Variants in STX8 observed in about 807,000 individuals in gnomAD.
STX8 encodes the protein syntaxin-8.
A neutral mutation model predicts 37.5 loss-of-function variants in STX8; 23 were observed. The observed-to-expected ratio is 0.61, with a 90% CI of 0.44 to 0.87. The LOEUF is 0.87. Ranked by LOEUF, STX8 falls within the 40% of genes least tolerant of loss-of-function variation. The pLI, the probability that STX8 is intolerant of heterozygous loss-of-function variation, is 0.00. For synonymous variants in STX8, 115 were observed against 99.1 expected (o/e 1.16, Z -0.95); for missense variants, 313 against 284.7 (o/e 1.10, Z -0.71).
intron 6 of STX8, among the ~76,000 whole-genome samples, chr17:9,436,873 G>A (rs1246359919): frequency 6.6e-6 from 1 of 152,208 alleles, no homozygotes; most frequent in Non-Finnish European, 1.5e-5. Context: ...TTCAAACGCT[G>A]ACTCCTGGTT....
At chr17:9,278,681 A>G (rs1035235189) in intron 7 of STX8, among the ~76,000 whole-genome samples, 4 of 152,092 alleles carry the variant, frequency 2.6e-5, no homozygotes, top group African/African-American at 9.7e-5. Context: ...AGTATAATGG[A>G]GCTCAGAAGA....
At chr17:9,499,290 T>A (rs1199108204) in intron 5 of STX8, among the ~76,000 whole-genome samples, 1 of 152,220 alleles carries the variant, frequency 6.6e-6, no homozygotes, top group Non-Finnish European at 1.5e-5. Context: ...CAGCACATTG[T>A]CAAGATTCTT....
chr17:9,451,246 T>A (rs1213156676), intron 6 of STX8, among the ~76,000 whole-genome samples: 1 of 152,214 alleles, frequency 6.6e-6, no homozygotes, highest in Non-Finnish European at 1.5e-5. Context: ...TGATTCCACA[T>A]ATATGTATCT....
chr17:9,483,440 C>T (rs1366344164), intron 6 of STX8, among the ~76,000 whole-genome samples: 4 of 152,194 alleles, frequency 2.6e-5, no homozygotes, highest in Admixed American at 2.6e-4. Flanking sequence ...GCAATCTGGA[C>T]TTTGCACATC....
intron 6 of STX8, among the ~76,000 whole-genome samples, chr17:9,486,816 G>GC (rs34043091): frequency 0.031 from 4,658 of 152,262 alleles, 91 homozygotes; most frequent in South Asian, 0.085. Flanking sequence ...ACGTGACTGT[G>GC]CCACTACACT....
At chr17:9,387,573 G>A (rs112714313) in intron 6 of STX8, among the ~76,000 whole-genome samples, 1,633 of 152,252 alleles carry the variant, frequency 0.011, 31 homozygotes, top group African/African-American at 0.036. Flanking sequence ...GATTACAGGC[G>A]TGAGCCACCA....
intron 7 of STX8, among the ~76,000 whole-genome samples, chr17:9,254,616 G>A (rs371039032): frequency 2.3e-4 from 35 of 152,114 alleles, no homozygotes; most frequent in Admixed American, 5.9e-4. Flanking sequence ...GGCTGGTCTC[G>A]AACTCCTGAC....
At chr17:9,257,505 G>A (rs537814062) in intron 7 of STX8, among the ~76,000 whole-genome samples, 52 of 152,132 alleles carry the variant, frequency 3.4e-4, no homozygotes, top group Non-Finnish European at 6.3e-4. Flanking sequence ...CTGACTTTTC[G>A]AGAGAGTGTG....
At chr17:9,404,321 A>C (rs902508467) in intron 6 of STX8, among the ~76,000 whole-genome samples, 2 of 152,176 alleles carry the variant, frequency 1.3e-5, no homozygotes, top group African/African-American at 4.8e-5. Context: ...ATGGAAATAC[A>C]CTGTAATTTG....
chr17:9,328,281 T>TGAG (rs146016035), intron 7 of STX8, among the ~76,000 whole-genome samples: 10,698 of 151,912 alleles, frequency 0.07, 1,217 homozygotes, highest in African/African-American at 0.24. Flanking sequence ...TGGCCTGCCT[T>TGAG]GAAGAGGGAT....
intron 7 of STX8, among the ~76,000 whole-genome samples, chr17:9,321,964 C>T (rs1909593111): frequency 6.6e-6 from 1 of 151,738 alleles, no homozygotes; most frequent in African/African-American, 2.4e-5. Context: ...TGTGTAGATG[C>T]ATTATTTAAG....
rs113467907 is a variant in STX8, at chr17:9,519,660, T to C, written c.324-14498A>G. Among the ~76,000 whole-genome samples, 1,184 of 152,212 alleles carry C rather than the reference T, an allele frequency of 7.8e-3. 14 individuals are homozygous for C. The highest frequency in any genetic ancestry group is 0.024 in the African/African-American group (981 of 41,508). On this transcript the variant is annotated intron_variant, in intron 4 of 7. Coordinates refer to ENST00000306357, the MANE Select transcript of STX8 (RefSeq NM_004853.3). Reference sequence around the variant, plus strand: ...CCCTGACTCCCCAGAAGCTACAACATGGCTACGATCTCTCTACGACATCAT... The same window carrying C: ...CCCTGACTCCCCAGAAGCTACAACACGGCTACGATCTCTCTACGACATCAT...
chr17:9,378,131 G>C (rs1911665816), intron 7 of STX8: 1 of 159,650 alleles, frequency 6.3e-6, no homozygotes, highest in African/African-American at 2.4e-5. Flanking sequence ...TTACATACAA[G>C]GTATCAAGAG....
At chr17:9,444,113 T>C (rs1464453511) in intron 6 of STX8, among the ~76,000 whole-genome samples, 2 of 151,956 alleles carry the variant, frequency 1.3e-5, no homozygotes, top group African/African-American at 4.8e-5. Context: ...CCTCATCCCA[T>C]TCTTTATTCA....
chr17:9,550,702 G>A (rs188365607), intron 3 of STX8, among the ~76,000 whole-genome samples: 22 of 152,290 alleles, frequency 1.4e-4, no homozygotes, highest in East Asian at 5.8e-4. Context: ...CAGATGGAGC[G>A]GGGTAAATAT....
chr17:9,530,421 G>C (rs1043550178), intron 4 of STX8, among the ~76,000 whole-genome samples: 1 of 152,034 alleles, frequency 6.6e-6, no homozygotes, highest in Non-Finnish European at 1.5e-5. Context: ...GTTTTCCAAA[G>C]AGATTGTACA....
intron 2 of STX8, 104 bp downstream of exon 2, chr17:9,568,267 C>A: frequency 1.3e-6 from 1 of 764,228 alleles, no homozygotes. Flanking sequence ...GCAGATAGAT[C>A]ATCATACACA....
At chr17:9,308,995 T>C (rs1909098730) in intron 7 of STX8, among the ~76,000 whole-genome samples, 1 of 152,076 alleles carries the variant, frequency 6.6e-6, no homozygotes, top group African/African-American at 2.4e-5. Context: ...TTTTCTTTTT[T>C]TTTCAAAAGT....
In STX8 at chr17:9,329,050, C is replaced by CAAAAAAAAAAA. The variant is rs998679728; in HGVS notation, c.643+49491_643+49501dup. ...GGGCGACAAGAGCGAGATTCCATCT[C>CAAAAAAAAAAA]AAAAAAAAAAAAAAAAAAAAAAAAA... On this transcript the variant is annotated intron_variant, in intron 7 of 7. Coordinates refer to ENST00000306357, the MANE Select transcript of STX8 (RefSeq NM_004853.3). Among the ~76,000 whole-genome samples the CAAAAAAAAAAA allele has an allele frequency of 7.1e-5, 2 of 27,998 alleles. 1 individual carries two copies. The highest frequency in any genetic ancestry group is 2.9e-3 in the East Asian group (2 of 700). 18.4% of individuals were successfully genotyped at this position (27,998 alleles called of 152,430 possible). A position where few individuals can be genotyped will look rare whatever the true frequency, so the allele number is the denominator to read the frequency against.
Sources: gnomAD v4.1 joint callset for allele counts (sites outside exome capture counted in the v4.1 genomes callset) on GRCh38, gnomAD v4.1.1 for gene constraint, MANE v1.5 for transcripts, NCBI Gene and HGNC (gene_info 2026-07-23, HGNC 2026-07-21) for gene names.